Variants in RANBP17 observed in about 807,000 individuals in gnomAD.
RANBP17 encodes ran-binding protein 17.
RANBP17 carries 158 observed loss-of-function variants against 141.2 expected under a neutral mutation model. The ratio of observed to expected loss-of-function variants is 1.12; its 90% CI spans 0.98 to 1.28. The LOEUF (loss-of-function observed/expected upper bound fraction) is 1.28. RANBP17 is among the 50% of genes most tolerant of loss of function. RANBP17 has a pLI of 0.00. For missense variants in RANBP17, 1,438 were observed against 1,290.7 expected, an observed-to-expected ratio of 1.11 and a Z score of -1.75; for synonymous variants, 430 against 450.0, an observed-to-expected ratio of 0.96 and a Z score of 0.56.
At chr5:170,954,253 T>G (rs368956386) in intron 13 of RANBP17, among the ~76,000 whole-genome samples, 1 of 152,178 alleles carries the variant, frequency 6.6e-6, no homozygotes, top group Non-Finnish European at 1.5e-5. Context: ...TATTGAAGAC[T>G]TAAACATTCA....
intron 14 of RANBP17, among the ~76,000 whole-genome samples, chr5:171,129,014 T>C (rs1756704881): frequency 6.6e-6 from 1 of 152,182 alleles, no homozygotes; most frequent in African/African-American, 2.4e-5. Context: ...GTTGAAGAGA[T>C]TAAGTTCCTA....
In RANBP17 at chr5:171,056,798, T is replaced by A. The variant is rs546976417; in HGVS notation, c.1710+88421T>A. On this transcript the variant is annotated intron_variant, in intron 14 of 27. Transcript: ENST00000523189. ...TCAAATCCCAGGTCACCAGAAGTCATTGATTTAGCCAAATTATACCTCAAA... is the reference window on the plus strand; with the variant it reads ...TCAAATCCCAGGTCACCAGAAGTCAATGATTTAGCCAAATTATACCTCAAA... 1.4e-3 allele frequency among the ~76,000 whole-genome samples: 115 copies of A among 84,380 alleles called. 1 individual carries two copies. Among genetic ancestry groups the A allele is most frequent in the African/African-American group, 4.5e-3 (106 of 23,820 alleles). 55.4% of individuals were successfully genotyped at this position (84,380 alleles called of 152,430 possible). A position where few individuals can be genotyped will look rare whatever the true frequency, so the allele number is the denominator to read the frequency against.
chr5:170,900,038 A>G (rs970750212), intron 5 of RANBP17, among the ~76,000 whole-genome samples: 8 of 152,058 alleles, frequency 5.3e-5, no homozygotes, highest in Non-Finnish European at 2.9e-5. Context: ...CATAAAATGA[A>G]TTAGGGAGGA....
chr5:171,088,251 T>G (rs1237910890), intron 14 of RANBP17, among the ~76,000 whole-genome samples: 1 of 152,144 alleles, frequency 6.6e-6, no homozygotes, highest in Non-Finnish European at 1.5e-5. Flanking sequence ...TATGAAATTC[T>G]GGGTTGAAAA....
intron 14 of RANBP17, among the ~76,000 whole-genome samples, chr5:170,992,516 A>G (rs1201773748): frequency 2.6e-5 from 4 of 152,058 alleles, no homozygotes; most frequent in Non-Finnish European, 5.9e-5. Flanking sequence ...AGTCTACTTA[A>G]CAGAATTATG....
At chr5:171,188,855 T>C (rs1461973873) in intron 18 of RANBP17, among the ~76,000 whole-genome samples, 1 of 152,188 alleles carries the variant, frequency 6.6e-6, no homozygotes, top group South Asian at 2.1e-4. Flanking sequence ...TTGATATTCA[T>C]GATGATGCCC....
At chr5:170,939,748 A>G (rs1005532578) in intron 12 of RANBP17, among the ~76,000 whole-genome samples, 2 of 152,168 alleles carry the variant, frequency 1.3e-5, no homozygotes, top group South Asian at 2.1e-4. Context: ...TAATTTGTGG[A>G]ATTAAGAACA....
chr5:171,002,985 G>T (rs1296486186), intron 14 of RANBP17, among the ~76,000 whole-genome samples: 2 of 152,180 alleles, frequency 1.3e-5, no homozygotes, highest in African/African-American at 2.4e-5. Context: ...GAAAGTATAT[G>T]TGTCATGTGT....
At chr5:170,931,464 A>C (rs1017807152) in intron 12 of RANBP17, among the ~76,000 whole-genome samples, 3 of 152,176 alleles carry the variant, frequency 2.0e-5, no homozygotes, top group Admixed American at 6.5e-5. Flanking sequence ...TTGGTGTTTT[A>C]GAAATGAAGT....
chr5:171,130,872 C>T (rs2127789176), intron 14 of RANBP17, among the ~76,000 whole-genome samples: 1 of 152,108 alleles, frequency 6.6e-6, no homozygotes, highest in South Asian at 2.1e-4. Flanking sequence ...CTTCTAGCTA[C>T]TTTTGGTGAA....
intron 12 of RANBP17, among the ~76,000 whole-genome samples, chr5:170,931,078 T>G (rs1398836019): frequency 6.6e-6 from 1 of 152,214 alleles, no homozygotes; most frequent in African/African-American, 2.4e-5. Flanking sequence ...ACCTGTTGTT[T>G]CCTGACTTCT....
chr5:171,042,725 T>C (rs1190232108), intron 14 of RANBP17, among the ~76,000 whole-genome samples: 1 of 152,150 alleles, frequency 6.6e-6, no homozygotes, highest in Non-Finnish European at 1.5e-5. Context: ...TGTAAAACTA[T>C]AGTGTGCCAA....
intron 12 of RANBP17, among the ~76,000 whole-genome samples, chr5:170,948,134 T>C (rs935923745): frequency 6.6e-6 from 1 of 152,162 alleles, no homozygotes; most frequent in South Asian, 2.1e-4. Flanking sequence ...TCCCCAGTTA[T>C]ATTAAACTGT....
At chr5:171,231,093 T>C (rs376235140) in intron 22 of RANBP17, among the ~76,000 whole-genome samples, 33 of 146,904 alleles carry the variant, frequency 2.2e-4, no homozygotes, top group African/African-American at 7.9e-4. Flanking sequence ...CGTACCACCA[T>C]GCCTGGCTTT....
At chr5:171,106,466 A>G (rs1754845907) in intron 14 of RANBP17, among the ~76,000 whole-genome samples, 5 of 152,176 alleles carry the variant, frequency 3.3e-5, no homozygotes. Context: ...TTCTAGATGT[A>G]ACTTTTTTGC....
At chr5:170,950,243 T>G (rs1775097654) in intron 12 of RANBP17, among the ~76,000 whole-genome samples, 1 of 152,024 alleles carries the variant, frequency 6.6e-6, no homozygotes, top group Admixed American at 6.6e-5. Flanking sequence ...CAAATGGGAT[T>G]ATATTAAGCT....
chr5:171,283,815 G>T (rs1767999077), intron 25 of RANBP17, among the ~76,000 whole-genome samples: 1 of 149,362 alleles, frequency 6.7e-6, no homozygotes, highest in Non-Finnish European at 1.5e-5. Flanking sequence ...AGAGACTGGG[G>T]AAACACTGTC....
intron 5 of RANBP17, among the ~76,000 whole-genome samples, chr5:170,902,335 T>G (rs1770712581): frequency 6.6e-6 from 1 of 152,216 alleles, no homozygotes; most frequent in Non-Finnish European, 1.5e-5. Flanking sequence ...TTGTGTATGC[T>G]TCACAAAGTT....
rs148836742 is a variant in RANBP17, at chr5:170,947,322, C to T, written c.1469-6275C>T. On this transcript the variant is annotated intron_variant, in intron 12 of 27. Coordinates refer to ENST00000523189, the MANE Select transcript of RANBP17 (RefSeq NM_022897.5). ...TGTTGATAATGTATAATATACCCAG[C>T]GTTGTTTTAGGCTCTGGAGATACAA... Among the ~76,000 whole-genome samples, 621 of 152,056 alleles carry T rather than the reference C, an allele frequency of 4.1e-3. 5 individuals are homozygous for T. Among genetic ancestry groups the T allele is most frequent in the African/African-American group, 0.014 (598 of 41,476 alleles).
Sources: allele counts gnomAD v4.1 joint callset (sites outside exome capture counted in the v4.1 genomes callset), GRCh38; gene constraint gnomAD v4.1.1; transcripts MANE v1.5; gene names NCBI Gene and HGNC (gene_info 2026-07-23, HGNC 2026-07-21).